FAM107B: variants seen among roughly 807,000 people sequenced by gnomAD.
The protein encoded by FAM107B is protein FAM107B.
Under a neutral mutation model 31.5 loss-of-function variants are expected in FAM107B, and 21 were observed. The ratio of observed to expected loss-of-function variants is 0.67; its 90% CI spans 0.47 to 0.96. The LOEUF (loss-of-function observed/expected upper bound fraction) is 0.96. Among genes scored for constraint, FAM107B ranks in the 40% least tolerant of loss-of-function variants. The pLI is 0.00. For missense variants in FAM107B, 452 were observed against 377.1 expected, an observed-to-expected ratio of 1.20 and a Z score of -1.64; for synonymous variants, 157 against 141.5, an observed-to-expected ratio of 1.11 and a Z score of -0.78.
At chr10:14,667,573 C>A in intron 2 of FAM107B, 61 bp downstream of exon 2, 1 of 1,564,418 alleles carries the variant, frequency 6.4e-7, no homozygotes, top group Non-Finnish European at 8.8e-7. Flanking sequence ...CCTTAGGATG[C>A]TCCAAGCACT....
At chr10:14,751,045 A>T (rs1832817454) in intron 1 of FAM107B, among the ~76,000 whole-genome samples, 1 of 152,168 alleles carries the variant, frequency 6.6e-6, no homozygotes, top group African/African-American at 2.4e-5. Context: ...ATGGTGGCAC[A>T]TCTGGGAGGG....
intron 2 of FAM107B, among the ~76,000 whole-genome samples, chr10:14,643,222 T>C (rs892571953): frequency 3.3e-5 from 5 of 151,682 alleles, no homozygotes; most frequent in Non-Finnish European, 7.4e-5. Context: ...CTCAGTGGAG[T>C]TGATGGCATA....
At chr10:14,630,744 G>C (rs911082637) in intron 2 of FAM107B, among the ~76,000 whole-genome samples, 1 of 151,888 alleles carries the variant, frequency 6.6e-6, no homozygotes, top group Non-Finnish European at 1.5e-5. Flanking sequence ...CCAGCTACTT[G>C]GGAGGCTAAG....
chr10:14,711,580 C>T (rs1437300324), intron 1 of FAM107B, among the ~76,000 whole-genome samples: 1 of 152,208 alleles, frequency 6.6e-6, no homozygotes, highest in East Asian at 1.9e-4. Flanking sequence ...AAGCACAGTC[C>T]TATGATGTTC....
intron 1 of FAM107B, among the ~76,000 whole-genome samples, chr10:14,687,668 T>A (rs916181196): frequency 2.5e-4 from 38 of 152,230 alleles, no homozygotes; most frequent in African/African-American, 9.1e-4. Context: ...GGGCAGATTA[T>A]AATGAAAAGT....
chr10:14,624,424 G>T (rs747627358), intron 2 of FAM107B, among the ~76,000 whole-genome samples: 25 of 152,120 alleles, frequency 1.6e-4, no homozygotes, highest in Non-Finnish European at 2.1e-4. Flanking sequence ...ATCATTTGAG[G>T]TCAGGAATTG....
Position 14,521,319 on chromosome 10 carries a change from C to T in FAM107B, c.805-13G>A. The T allele has an allele frequency of 3.1e-6, 5 of 1,605,042 alleles. No homozygotes were observed. Among genetic ancestry groups the T allele is most frequent in the Non-Finnish European group, 4.3e-6 (5 of 1,173,252 alleles). On this transcript the variant is annotated splice_polypyrimidine_tract_variant and intron_variant, in intron 4 of 4. Coordinates refer to ENST00000181796, the MANE Select transcript of FAM107B (RefSeq NM_031453.4). The stretch of plus-strand genomic sequence containing the variant: ...TCTCAAGTTCAAGCTAAATGACATT[C>T]AGAAAAGGAAAAATTATTTACAAAC...
intron 2 of FAM107B, among the ~76,000 whole-genome samples, chr10:14,630,079 T>C (rs928410029): frequency 1.5e-4 from 23 of 152,270 alleles, no homozygotes; most frequent in African/African-American, 5.5e-4. Flanking sequence ...CTGTGTAAAG[T>C]AGGAGTTTCC....
At chr10:14,552,912 T>C (rs1017294160) in intron 2 of FAM107B, among the ~76,000 whole-genome samples, 3 of 152,216 alleles carry the variant, frequency 2.0e-5, no homozygotes, top group African/African-American at 7.2e-5. Flanking sequence ...GCCTAGCAGC[T>C]TGGAAAATCC....
rs1342942959 is a variant in FAM107B, at chr10:14,519,315, G to C, written c.*1875C>G. ...GATCTGACATCTAGTTAGATAAAAAGATATGAGCCAGTCCCGAATCTTCAT... is the reference window on the plus strand; with the variant it reads ...GATCTGACATCTAGTTAGATAAAAACATATGAGCCAGTCCCGAATCTTCAT... On this transcript the variant is annotated 3_prime_UTR_variant, in exon 5 of 5. Transcript: ENST00000181796. The C allele has an allele frequency of 1.3e-5, 2 of 152,038 alleles. No individual in the cohort carries two copies. The highest frequency in any genetic ancestry group is 2.9e-5 in the Non-Finnish European group (2 of 68,008). 9.4% of individuals were successfully genotyped at this position (152,038 alleles called of 1,614,324 possible). A position where few individuals can be genotyped will look rare whatever the true frequency, so the allele number is the denominator to read the frequency against.
chr10:14,547,589 G>A (rs999253679), intron 2 of FAM107B, among the ~76,000 whole-genome samples: 36 of 151,784 alleles, frequency 2.4e-4, no homozygotes, highest in African/African-American at 8.0e-4. Context: ...AAATGCTCCG[G>A]TGAGCATTTC....
intron 1 of FAM107B, among the ~76,000 whole-genome samples, chr10:14,740,390 C>T (rs1856408608): frequency 6.6e-6 from 1 of 152,134 alleles, no homozygotes. Context: ...AACTTTATGA[C>T]ATGTTGGAAA....
intron 2 of FAM107B, among the ~76,000 whole-genome samples, chr10:14,646,292 A>G (rs565332745): frequency 6.6e-6 from 1 of 152,254 alleles, no homozygotes; most frequent in East Asian, 1.9e-4. Flanking sequence ...TCACCCAAAT[A>G]GTGTACATTG....
intron 1 of FAM107B, among the ~76,000 whole-genome samples, chr10:14,726,602 T>C (rs998924932): frequency 1.3e-5 from 2 of 152,230 alleles, no homozygotes; most frequent in African/African-American, 4.8e-5. Context: ...TCTAGCCACG[T>C]GGCAGCTAGA....
chr10:14,562,972 T>A (rs1255424809), intron 2 of FAM107B, among the ~76,000 whole-genome samples: 1 of 152,262 alleles, frequency 6.6e-6, no homozygotes, highest in Non-Finnish European at 1.5e-5. Flanking sequence ...ATGTCTCTGC[T>A]ACATGTGAAA....
At chr10:14,526,021 G>A (rs1349475618) in intron 3 of FAM107B, among the ~76,000 whole-genome samples, 1 of 152,184 alleles carries the variant, frequency 6.6e-6, no homozygotes, top group African/African-American at 2.4e-5. Context: ...ATATTAATAA[G>A]TGAAGTCATT....
chr10:14,725,733 T>G (rs1588733967), intron 1 of FAM107B, among the ~76,000 whole-genome samples: 1 of 151,900 alleles, frequency 6.6e-6, no homozygotes, highest in South Asian at 2.1e-4. Flanking sequence ...AACCTAATTA[T>G]CTTCCAAAGT....
chr10:14,576,285 T>C (rs899781006), intron 2 of FAM107B, among the ~76,000 whole-genome samples: 2 of 152,156 alleles, frequency 1.3e-5, no homozygotes, highest in African/African-American at 2.4e-5. Flanking sequence ...TCCCAGCACT[T>C]TGGGAGGCCG....
intron 2 of FAM107B, among the ~76,000 whole-genome samples, chr10:14,654,756 G>A (rs570633235): frequency 6.6e-6 from 1 of 152,138 alleles, no homozygotes; most frequent in African/African-American, 2.4e-5. Flanking sequence ...AAGTAGATAT[G>A]CTTTGCGATA....
Sources: allele counts gnomAD v4.1 joint callset (sites outside exome capture counted in the v4.1 genomes callset), GRCh38; gene constraint gnomAD v4.1.1; transcripts MANE v1.5; gene names NCBI Gene and HGNC (gene_info 2026-07-23, HGNC 2026-07-21).